DOCK8: variants seen among roughly 807,000 people sequenced by gnomAD.
DOCK8 encodes the protein dedicator of cytokinesis protein 8.
In DOCK8, 141 loss-of-function variants were observed where a neutral mutation model predicts 245.6. The ratio of observed to expected loss-of-function variants is 0.57; its 90% CI spans 0.50 to 0.66. The LOEUF (loss-of-function observed/expected upper bound fraction) is 0.66, where lower values mean the gene tolerates loss of function less well. DOCK8 is among the 30% of genes least tolerant of loss of function. DOCK8 has a pLI of 0.00. For synonymous variants in DOCK8, 1,168 were observed against 970.2 expected (o/e 1.20, Z -3.79); for missense variants, 2,965 against 2,603.4 (o/e 1.14, Z -3.02).
At chr9:386,657 T>C (rs1202894439) in intron 23 of DOCK8, among the ~76,000 whole-genome samples, 1 of 152,228 alleles carries the variant, frequency 6.6e-6, no homozygotes, top group East Asian at 1.9e-4. Flanking sequence ...CAGAATTACC[T>C]GGAAGCCTTG....
At chr9:358,703 G>T (rs963100593) in intron 14 of DOCK8, among the ~76,000 whole-genome samples, 10 of 152,086 alleles carry the variant, frequency 6.6e-5, no homozygotes, top group Admixed American at 2.0e-4. Flanking sequence ...ACAAAAATTA[G>T]CCAGGTGTGG....
intron 46 of DOCK8, chr9:456,399 T>A (rs933522221): frequency 6.6e-6 from 1 of 152,304 alleles, no homozygotes; most frequent in African/African-American, 2.4e-5. Flanking sequence ...GCTCTCAGGT[T>A]TCCCCTTTAG....
At chr9:456,486 T>C (rs1416596305) in intron 46 of DOCK8, 1 of 152,236 alleles carries the variant, frequency 6.6e-6, no homozygotes, top group East Asian at 1.9e-4. Flanking sequence ...AATGAGTCTC[T>C]GTTGCTGAGA....
At chr9:247,619 C>T (rs939644667) in intron 1 of DOCK8, among the ~76,000 whole-genome samples, 9 of 152,056 alleles carry the variant, frequency 5.9e-5, no homozygotes, top group East Asian at 1.9e-4. Context: ...CTGCAAGCTC[C>T]GCCTCCCGGG....
At chr9:417,923 T>A in intron 29 of DOCK8, 145 bp from the exon 30 acceptor site, 1 of 942,660 alleles carries the variant, frequency 1.1e-6, no homozygotes, top group Non-Finnish European at 1.7e-6. Flanking sequence ...TTCCTATAGG[T>A]GATAGCAGAT....
At chr9:454,107 G>A (rs776155956) in intron 46 of DOCK8, among the ~76,000 whole-genome samples, 1 of 152,202 alleles carries the variant, frequency 6.6e-6, no homozygotes, top group Non-Finnish European at 1.5e-5. Flanking sequence ...TCAGGCTGGA[G>A]CATTTGTGGG....
chr9:424,917 A>AT (rs2056424675), intron 33 of DOCK8, among the ~76,000 whole-genome samples: 2 of 152,248 alleles, frequency 1.3e-5, no homozygotes, highest in Non-Finnish European at 2.9e-5. Flanking sequence ...CATTAGCCAC[A>AT]TGTGACTATC....
intron 2 of DOCK8, among the ~76,000 whole-genome samples, chr9:285,446 G>T (rs1258186949): frequency 6.6e-6 from 1 of 152,116 alleles, no homozygotes; most frequent in Non-Finnish European, 1.5e-5. Context: ...GGTAGAGATA[G>T]AGAAAAACAG....
chr9:353,274 C>T (rs1026574947), intron 14 of DOCK8, among the ~76,000 whole-genome samples: 2 of 61,996 alleles, frequency 3.2e-5, no homozygotes, highest in Non-Finnish European at 1.0e-4. Flanking sequence ...TTTATAGAGG[C>T]AGCTGGGGGC....
chr9:223,832 C>T (rs1418912604), intron 1 of DOCK8, among the ~76,000 whole-genome samples: 2 of 151,808 alleles, frequency 1.3e-5, no homozygotes, highest in African/African-American at 4.8e-5. Context: ...TATTCTGTTG[C>T]CCATTTCTGT....
In DOCK8 at chr9:307,338, GTT is replaced by G. The variant is rs1165775428; in HGVS notation, c.528+2671_528+2672del. On this transcript the variant is annotated intron_variant, in intron 5 of 47. Transcript: ENST00000432829. Reference sequence around the variant, plus strand: ...CACTGTGTTGTGTGTGGTTTTTTTTGTTTTTTTTTTTTTTTTTTTTTTTTTTT... The same window carrying G: ...CACTGTGTTGTGTGTGGTTTTTTTTGTTTTTTTTTTTTTTTTTTTTTTTTT... 1.6e-4 allele frequency among the ~76,000 whole-genome samples: 8 copies of G among 51,242 alleles called. No homozygotes were observed. The East Asian group carries it at 5.2e-3, about 33-fold the overall frequency. The allele number at this position is 51,242 out of a possible 152,430, so 33.6% of individuals were successfully genotyped here. A position where few individuals can be genotyped will look rare whatever the true frequency, so the allele number is the denominator to read the frequency against.
chr9:346,181 A>G (rs2051875470), intron 14 of DOCK8, among the ~76,000 whole-genome samples: 1 of 152,118 alleles, frequency 6.6e-6, no homozygotes, highest in Non-Finnish European at 1.5e-5. Context: ...GAGCTGATGA[A>G]AAGGATTATC....
In DOCK8 at chr9:312,024, A is replaced by G. The variant is rs770416322; in HGVS notation, c.599A>G (p.Asp200Gly). The G allele has an allele frequency of 4.3e-6, 7 of 1,614,052 alleles. No individual in the cohort carries two copies. The East Asian group carries it at 6.7e-5, about 15-fold the overall frequency. The change falls in exon 6 of 48, where the codon GAC (aspartate) becomes GGC (glycine). Residue 200 changes from aspartate (D) to glycine (G), a missense_variant. Transcript: ENST00000432829. ...GGCCCCGTCACTGCCTGTGACTTTG[A>G]CCTCCGCAGCCTGCAGCCTGACAAG... ...GKGPVTACDF[D>G]LRSLQPDKRL...
intron 39 of DOCK8, among the ~76,000 whole-genome samples, chr9:438,443 C>T (rs2056976578): frequency 6.6e-6 from 1 of 152,176 alleles, no homozygotes; most frequent in Non-Finnish European, 1.5e-5. Context: ...TGCATTTCTT[C>T]CATAGCTGTG....
At chr9:237,357 T>C (rs2047276697) in intron 1 of DOCK8, among the ~76,000 whole-genome samples, 2 of 152,212 alleles carry the variant, frequency 1.3e-5, no homozygotes, top group African/African-American at 4.8e-5. Flanking sequence ...ATTTAAAATC[T>C]AATTGCAATT....
At chr9:275,206 TG>T (rs1370302785) in intron 2 of DOCK8, among the ~76,000 whole-genome samples, 2 of 148,864 alleles carry the variant, frequency 1.3e-5, no homozygotes, top group African/African-American at 5.2e-5. Context: ...TGGCTAGTAT[TG>T]CTCTCTTACG....
At chr9:357,752 G>C (rs2052514161) in intron 14 of DOCK8, among the ~76,000 whole-genome samples, 1 of 152,172 alleles carries the variant, frequency 6.6e-6, no homozygotes. Flanking sequence ...CACCCCCAGT[G>C]CCTCCTTCTA....
chr9:214,475 C>G (rs2046684352), upstream of DOCK8: 1 of 1,581,562 alleles, frequency 6.3e-7, no homozygotes. Context: ...CTGCCTTCTT[C>G]GAGAATGGTG....
chr9:444,948 A>G (rs2057205770), intron 43 of DOCK8, among the ~76,000 whole-genome samples: 1 of 152,202 alleles, frequency 6.6e-6, no homozygotes, highest in Non-Finnish European at 1.5e-5. Flanking sequence ...CCATCTAGCA[A>G]ACCTATAAAA....
Sources: gnomAD v4.1 joint callset for allele counts (sites outside exome capture counted in the v4.1 genomes callset) on GRCh38, gnomAD v4.1.1 for gene constraint, MANE v1.5 for transcripts, NCBI Gene and HGNC (gene_info 2026-07-23, HGNC 2026-07-21) for gene names.